The following CADPS variants were observed in gnomAD, a reference collection of about 807,000 sequenced individuals.
The protein encoded by CADPS is calcium-dependent secretion activator 1.
In CADPS, 57 loss-of-function variants were observed where a neutral mutation model predicts 167.3. That is an observed-to-expected ratio of 0.34 (90% CI 0.28 to 0.42). CADPS has a LOEUF of 0.42. CADPS is among the 20% of genes least tolerant of loss of function. CADPS has a pLI of 1.00. For missense variants in CADPS, 1,414 were observed against 1,738.1 expected (o/e 0.81, Z 3.32); for synonymous variants, 676 against 635.3 (o/e 1.06, Z -0.96).
intron 1 of CADPS, among the ~76,000 whole-genome samples, chr3:62,771,216 G>A (rs1043051978): frequency 6.6e-6 from 1 of 152,140 alleles, no homozygotes; most frequent in Non-Finnish European, 1.5e-5. Context: ...ACGAATGTTT[G>A]CTGAGTGAAT....
At chr3:62,453,263 T>C (rs2058294456) in intron 26 of CADPS, among the ~76,000 whole-genome samples, 1 of 152,196 alleles carries the variant, frequency 6.6e-6, no homozygotes. Context: ...CTGTGTTTTT[T>C]TAAAAAAAAT....
chr3:62,868,156 G>A (rs1200465381), intron 1 of CADPS, among the ~76,000 whole-genome samples: 1 of 151,960 alleles, frequency 6.6e-6, no homozygotes, highest in African/African-American at 2.4e-5. Context: ...CTCCAATTTG[G>A]CAAAAACTAT....
In CADPS at chr3:62,550,131, G is replaced by T. The variant is rs1577603099; in HGVS notation, c.1754-16C>A. On this transcript the variant is annotated splice_polypyrimidine_tract_variant and intron_variant, in intron 10 of 29. Coordinates refer to ENST00000383710, the MANE Select transcript of CADPS (RefSeq NM_003716.4). ...CCCTCCAAACCTGGAAGAAAAGGGA[G>T]TAACAACTTCTACTAAGCTGAGCTG... 3 of 1,601,014 alleles carry T rather than the reference G, an allele frequency of 1.9e-6. No individual in the cohort carries two copies.
chr3:62,605,941 CG>C (rs1578678438), intron 6 of CADPS, among the ~76,000 whole-genome samples: 1 of 152,086 alleles, frequency 6.6e-6, no homozygotes, highest in East Asian at 1.9e-4. Context: ...AACATAAAAT[CG>C]GGGCTTGAAT....
rs2083162672 is a variant in CADPS at position 62,874,034 on chromosome 3, C to G, written c.441+555G>C. On this transcript the variant is annotated intron_variant, in intron 1 of 29. Coordinates refer to ENST00000383710, the MANE Select transcript of CADPS (RefSeq NM_003716.4). This position sits in a 1 kb window ranked among gnomAD's most constrained non-coding sequence, Gnocchi z 7.1. ...GCAGAGTCACGGGAAGCTTCGCCTT[C>G]TGGGCTTGCTTTCTCCCGCCTGCCC... Among the ~76,000 whole-genome samples, 1 of 152,210 alleles carries G rather than the reference C, an allele frequency of 6.6e-6. No individual in the cohort carries two copies. Among genetic ancestry groups the G allele is most frequent in the African/African-American group, 2.4e-5 (1 of 41,470 alleles).
chr3:62,734,255 T>C (rs2078530704), intron 3 of CADPS, among the ~76,000 whole-genome samples: 1 of 152,192 alleles, frequency 6.6e-6, no homozygotes, highest in Admixed American at 6.5e-5. Flanking sequence ...ATGGTGGAAA[T>C]GTTCTATGTC....
At chr3:62,591,870 C>T (rs2086121067) in intron 7 of CADPS, among the ~76,000 whole-genome samples, 1 of 152,140 alleles carries the variant, frequency 6.6e-6, no homozygotes, top group Non-Finnish European at 1.5e-5. Flanking sequence ...TGACATGATG[C>T]TCCTTAGTGA....
intron 3 of CADPS, among the ~76,000 whole-genome samples, chr3:62,749,359 C>T (rs1210023902): frequency 6.6e-6 from 1 of 152,180 alleles, no homozygotes; most frequent in Non-Finnish European, 1.5e-5. Flanking sequence ...GGCAGAACCT[C>T]ATAAAGAGAG....
chr3:62,708,403 T>C (rs568681499), intron 3 of CADPS, among the ~76,000 whole-genome samples: 8 of 152,276 alleles, frequency 5.3e-5, no homozygotes, highest in South Asian at 2.1e-4. Flanking sequence ...GCTAAGTATA[T>C]GCAAACCCTT....
chr3:62,686,212 AC>A (rs2078006907), intron 3 of CADPS, among the ~76,000 whole-genome samples: 1 of 151,960 alleles, frequency 6.6e-6, no homozygotes, highest in Admixed American at 6.6e-5. Flanking sequence ...CAAACAAAAA[AC>A]CCTGCATGTT....
chr3:62,400,875 G>A (rs1035669533), intron 29 of CADPS, among the ~76,000 whole-genome samples: 1 of 152,056 alleles, frequency 6.6e-6, no homozygotes, highest in Non-Finnish European at 1.5e-5. Context: ...TGAGATTACG[G>A]GCGTGAGCCA....
At chr3:62,644,706 G>C (rs1224644262) in intron 6 of CADPS, among the ~76,000 whole-genome samples, 1 of 152,032 alleles carries the variant, frequency 6.6e-6, no homozygotes, top group African/African-American at 2.4e-5. Flanking sequence ...TGCACAAGCT[G>C]TTTACTCTGC....
chr3:62,617,681 G>C (rs2062538791), intron 6 of CADPS, among the ~76,000 whole-genome samples: 1 of 152,114 alleles, frequency 6.6e-6, no homozygotes, highest in Non-Finnish European at 1.5e-5. Flanking sequence ...AGGCTGTTCA[G>C]TATCCCTGTA....
intron 1 of CADPS, among the ~76,000 whole-genome samples, chr3:62,800,846 G>T (rs304166): frequency 0.91 from 139,194 of 152,260 alleles, 63,696 homozygotes; most frequent in East Asian, 0.98. Flanking sequence ...CAAAACATTC[G>T]TTCTCGATGT....
chr3:62,449,397 T>C (rs989830118), intron 26 of CADPS, among the ~76,000 whole-genome samples: 2 of 152,208 alleles, frequency 1.3e-5, no homozygotes, highest in Non-Finnish European at 2.9e-5. Context: ...TTCTTTACAG[T>C]AGATAAATGT....
intron 3 of CADPS, among the ~76,000 whole-genome samples, chr3:62,711,102 T>C (rs889312805): frequency 2.6e-5 from 4 of 152,230 alleles, no homozygotes; most frequent in African/African-American, 4.8e-5. Context: ...ATTTAGCTTA[T>C]AGACCTCTTT....
At chr3:62,807,119 C>A (rs2094140605) in intron 1 of CADPS, among the ~76,000 whole-genome samples, 1 of 152,112 alleles carries the variant, frequency 6.6e-6, no homozygotes, top group South Asian at 2.1e-4. Flanking sequence ...AAGGGTTTGA[C>A]CCTGCCATTT....
At chr3:62,413,730 A>T (rs987953302) in intron 28 of CADPS, among the ~76,000 whole-genome samples, 3 of 152,170 alleles carry the variant, frequency 2.0e-5, no homozygotes, top group Non-Finnish European at 4.4e-5. Context: ...ACACTTAGAG[A>T]TGGTTAAGAC....
At chr3:62,623,942 T>C (rs1201073103) in intron 6 of CADPS, among the ~76,000 whole-genome samples, 1 of 124,748 alleles carries the variant, frequency 8.0e-6, no homozygotes, top group Non-Finnish European at 1.7e-5. Flanking sequence ...TTGACAATTT[T>C]TTTTTTCTGG....
Sources: allele counts gnomAD v4.1 joint callset (sites outside exome capture counted in the v4.1 genomes callset), GRCh38; gene constraint gnomAD v4.1.1; non-coding constraint Gnocchi (gnomAD v3.1); transcripts MANE v1.5; gene names NCBI Gene and HGNC (gene_info 2026-07-23, HGNC 2026-07-21).